The following CENPK variants were observed in gnomAD, a reference collection of about 807,000 sequenced individuals.
CENPK encodes centromere protein K.
CENPK carries 46 observed loss-of-function variants against 40.9 expected under a neutral mutation model. The ratio of observed to expected loss-of-function variants is 1.13; its 90% CI spans 0.89 to 1.44. CENPK has a LOEUF of 1.44. CENPK is among the 40% of genes most tolerant of loss of function. The pLI, the probability that CENPK is intolerant of heterozygous loss-of-function variation, is 0.00. For missense variants in CENPK, 288 were observed against 303.5 expected, an observed-to-expected ratio of 0.95 and a Z score of 0.38; for synonymous variants, 107 against 104.4, an observed-to-expected ratio of 1.02 and a Z score of -0.15.
rs759373577 is a variant in CENPK at position 65,551,571 on chromosome 5, T to A, written c.234A>T (p.Thr78=). 7 of 1,523,458 alleles carry A rather than the reference T, an allele frequency of 4.6e-6. No homozygotes were observed. Among genetic ancestry groups the A allele is most frequent in the Non-Finnish European group, 6.3e-6 (7 of 1,117,148 alleles). The allele number at this position is 1,523,458 out of a possible 1,614,324, so 94.4% of individuals were successfully genotyped here. A position where few individuals can be genotyped will look rare whatever the true frequency, so the allele number is the denominator to read the frequency against. The part of the protein sequence containing the change: ...TAELSQWQKK[T]PETIPLTEDV... ...TTAAAATAAGAATCTTACTTTCAGG[T>A]GTTTTTTTCTGCCATTGACTGAGTT... is the stretch of plus-strand genomic sequence containing the variant. The change falls in exon 5 of 11, where the codon ACA becomes ACT. Residue 78 remains threonine, a synonymous_variant. Transcript: ENST00000396679.
the CENPK span, among the ~76,000 whole-genome samples, chr5:65,495,630 CTTG>C: frequency 7.9e-5 from 12 of 152,024 alleles, no homozygotes; most frequent in Non-Finnish European, 1.6e-4. Flanking sequence ...TTTCTTTTTA[CTTG>C]TTTAATGAGG....
chr5:65,500,510 G>A, the CENPK span, among the ~76,000 whole-genome samples: 2 of 149,364 alleles, frequency 1.3e-5, no homozygotes, highest in Non-Finnish European at 2.9e-5. Context: ...ACTTTTTGAT[G>A]GGGTTGTTTG....
chr5:65,555,240 G>A (rs1393693192), intron 2 of CENPK: 1 of 170,032 alleles, frequency 5.9e-6, no homozygotes, highest in Non-Finnish European at 1.2e-5. Context: ...TAAGGTTACT[G>A]AGAAATTGAC....
intron 9 of CENPK, among the ~76,000 whole-genome samples, chr5:65,523,078 C>T (rs915386245): frequency 6.6e-6 from 1 of 152,160 alleles, no homozygotes; most frequent in Non-Finnish European, 1.5e-5. Flanking sequence ...GTATTCTGTA[C>T]ATATGTAAAT....
At chr5:65,524,255 G>C (rs1216930852) in intron 9 of CENPK, among the ~76,000 whole-genome samples, 1 of 148,310 alleles carries the variant, frequency 6.7e-6, no homozygotes, top group African/African-American at 2.5e-5. Flanking sequence ...CATGGTTGCA[G>C]GCGCCTGTAC....
At chr5:65,522,543 C>G (rs1292946746) in intron 9 of CENPK, among the ~76,000 whole-genome samples, 1 of 152,162 alleles carries the variant, frequency 6.6e-6, no homozygotes, top group Non-Finnish European at 1.5e-5. Context: ...ATCTTCCCAC[C>G]TCAGCCTCCC....
rs1216621308 is a variant in CENPK, at chr5:65,551,650, A to T, written c.169-14T>A. 1 of 1,449,488 alleles carries T rather than the reference A, an allele frequency of 6.9e-7. No homozygotes were observed. The allele number at this position is 1,449,488 out of a possible 1,614,324, so 89.8% of individuals were successfully genotyped here. On this transcript the variant is annotated splice_polypyrimidine_tract_variant and intron_variant, in intron 4 of 10. Transcript: ENST00000396679. ...TAACAATGATAGCTACAAAAGAAGA[A>T]AACAAAGTCATTTTCTGTGGACTAT...
the CENPK span, among the ~76,000 whole-genome samples, chr5:65,510,320 G>A: frequency 6.6e-6 from 1 of 152,226 alleles, no homozygotes; most frequent in Admixed American, 6.5e-5. Context: ...GATCAATGGA[G>A]AAAGTTTTAG....
At chr5:65,551,051 G>A in intron 5 of CENPK, 1 of 226,506 alleles carries the variant, frequency 4.4e-6, no homozygotes, top group South Asian at 4.4e-5. Context: ...AGACCAGCCT[G>A]GGTAACATGG....
chr5:65,532,839 G>A (rs2150394871), intron 6 of CENPK, among the ~76,000 whole-genome samples: 1 of 132,486 alleles, frequency 7.5e-6, no homozygotes, highest in Admixed American at 9.0e-5. Flanking sequence ...AACCCAGGAG[G>A]TGGAGATTGC....
chr5:65,546,645 A>G (rs969164918), intron 5 of CENPK, among the ~76,000 whole-genome samples: 1 of 152,232 alleles, frequency 6.6e-6, no homozygotes, highest in African/African-American at 2.4e-5. Flanking sequence ...GAGATAATTA[A>G]GTTAAAATTA....
intron 5 of CENPK, among the ~76,000 whole-genome samples, chr5:65,545,609 GA>G (rs770268181): frequency 1.1e-4 from 17 of 152,130 alleles, no homozygotes; most frequent in Non-Finnish European, 2.4e-4. Flanking sequence ...ACGGCTCAAG[GA>G]AGTTCTTGAA....
At position 65,554,786 on chromosome 5, in the gene CENPK, T is replaced by C; in HGVS notation, c.111+11A>G. ...TTATATTAACTATCACTTCTATCTT[T>C]TGAAACTTACTTCTTCCATATCTTT... On this transcript the variant is annotated intron_variant, in intron 3 of 10. Coordinates refer to ENST00000396679, the MANE Select transcript of CENPK (RefSeq NM_022145.5). The C allele has an allele frequency of 7.4e-7, 1 of 1,344,754 alleles. No individual in the cohort carries two copies. The allele number at this position is 1,344,754 out of a possible 1,614,324, so 83.3% of individuals were successfully genotyped here.
chr5:65,547,865 C>T (rs373884752), intron 5 of CENPK, among the ~76,000 whole-genome samples: 4 of 152,092 alleles, frequency 2.6e-5, no homozygotes, highest in East Asian at 1.9e-4. Context: ...GGGGTTTCAC[C>T]GTGTTAGCCA....
chr5:65,546,715 G>C (rs1485215310), intron 5 of CENPK, among the ~76,000 whole-genome samples: 1 of 152,160 alleles, frequency 6.6e-6, no homozygotes, highest in African/African-American at 2.4e-5. Context: ...TAGGCGATTA[G>C]GACACAGAAG....
intron 6 of CENPK, 79 bp downstream of exon 6, chr5:65,542,723 T>G: frequency 9.6e-7 from 1 of 1,045,208 alleles, no homozygotes; most frequent in Non-Finnish European, 1.4e-6. Context: ...TTTATCCTAT[T>G]TCTTATGCCA....
chr5:65,553,375 C>A (rs942985316), intron 3 of CENPK, among the ~76,000 whole-genome samples: 32 of 150,976 alleles, frequency 2.1e-4, no homozygotes, highest in Non-Finnish European at 7.4e-5. Flanking sequence ...AAAAAGAAAT[C>A]GAAATCCATA....
the CENPK span, among the ~76,000 whole-genome samples, chr5:65,497,469 C>T: frequency 6.6e-6 from 1 of 152,144 alleles, no homozygotes; most frequent in African/African-American, 2.4e-5. Context: ...GGCAGTTGAC[C>T]TCATCAAAGT....
chr5:65,545,819 C>T (rs10068833), intron 5 of CENPK, among the ~76,000 whole-genome samples: 2 of 151,978 alleles, frequency 1.3e-5, no homozygotes, highest in African/African-American at 4.8e-5. Context: ...CCTAAGCAGA[C>T]GACCCAGTTA....
Sources: gnomAD v4.1 joint callset for allele counts (sites outside exome capture counted in the v4.1 genomes callset) on GRCh38, gnomAD v4.1.1 for gene constraint, MANE v1.5 for transcripts, NCBI Gene and HGNC (gene_info 2026-07-23, HGNC 2026-07-21) for gene names.